TENT2: variants seen among roughly 807,000 people sequenced by gnomAD.
The protein encoded by TENT2 is terminal nucleotidyltransferase 2, also known as poly(A) RNA polymerase GLD2.
TENT2 carries 44 observed loss-of-function variants against 72.2 expected under a neutral mutation model. That is an observed-to-expected ratio of 0.61 (90% confidence interval 0.48 to 0.78). The LOEUF is 0.78. Among genes scored for constraint, TENT2 ranks in the 30% least tolerant of loss-of-function variants. TENT2 has a pLI of 0.00. For missense variants in TENT2, 541 were observed against 569.6 expected (o/e 0.95, Z 0.51); for synonymous variants, 212 against 192.5 (o/e 1.10, Z -0.84).
At position 79,674,179 on chromosome 5, in the gene TENT2, G is replaced by A. The variant is rs112157145; in HGVS notation, c.1208+5151G>A. Among the ~76,000 whole-genome samples, 130 of 152,188 alleles carry A rather than the reference G, an allele frequency of 8.5e-4. 1 individual carries two copies. The highest frequency in any genetic ancestry group is 2.9e-3 in the African/African-American group (122 of 41,528). Reference sequence around the variant, plus strand: ...CAGGCAGATCATGAGGTCAGGAGTTGGAGATCAACCTGACCAACATGGTGA... The same window carrying A: ...CAGGCAGATCATGAGGTCAGGAGTTAGAGATCAACCTGACCAACATGGTGA... On this transcript the variant is annotated intron_variant, in intron 12 of 14. Transcript: ENST00000453514.
chr5:79,651,140 GTTAATATTTGT>G (rs1458164183), intron 10 of TENT2, among the ~76,000 whole-genome samples: 1 of 151,790 alleles, frequency 6.6e-6, no homozygotes, highest in Non-Finnish European at 1.5e-5. Context: ...AATTGTTATT[GTTAATATTTGT>G]TTTATTTTTT....
At chr5:79,647,130 T>G (rs746558835) in intron 8 of TENT2, among the ~76,000 whole-genome samples, 3 of 152,180 alleles carry the variant, frequency 2.0e-5, no homozygotes, top group Non-Finnish European at 4.4e-5. Flanking sequence ...TAAATAGTGT[T>G]CTACAGCATC....
intron 4 of TENT2, among the ~76,000 whole-genome samples, chr5:79,633,846 A>G (rs932966660): frequency 1.3e-5 from 2 of 150,646 alleles, no homozygotes; most frequent in African/African-American, 4.9e-5. Context: ...AGCTTTATAT[A>G]TTGGTACATA....
Position 79,619,777 on chromosome 5 carries a change from G to C in TENT2, c.129G>C (p.Gln43His). Residue 43 changes from glutamine to histidine, a missense_variant, in exon 2 of 15, where the codon CAG becomes CAC. Gln to His is a conservative substitution (Grantham distance 24, BLOSUM62 0). Coordinates refer to ENST00000453514, the MANE Select transcript of TENT2 (RefSeq NM_001114394.3). ...QQLIDAQFNF[Q>H]NADLSRAVSL... Reference sequence around the variant, plus strand: ...TTATAGATGCACAATTCAACTTTCAGAATGCAGAGTGAGTATGGTGATATT... The same window carrying C: ...TTATAGATGCACAATTCAACTTTCACAATGCAGAGTGAGTATGGTGATATT... 6.2e-7 allele frequency: 1 copy of C among 1,612,884 alleles called. No homozygotes were observed. Among genetic ancestry groups the C allele is most frequent in the East Asian group, 2.2e-5 (1 of 44,830 alleles).
In TENT2 at chr5:79,668,925, G is replaced by C; in HGVS notation, c.1105G>C (p.Val369Leu). The change falls in exon 12 of 15, where the codon GTA becomes CTA. Residue 369 changes from valine (V) to leucine (L), a missense_variant. Val to Leu is a conservative substitution (Grantham distance 32). Transcript: ENST00000453514. ...TAGTCCTGCTATACAGCTGCACCTTGTACATCAAGCTCCATGTAATGTTCC... is the reference window on the plus strand; with the variant it reads ...TAGTCCTGCTATACAGCTGCACCTTCTACATCAAGCTCCATGTAATGTTCC... Reference protein sequence around the residue: ...SFSPAIQLHLVHQAPCNVPPY... With the variant: ...SFSPAIQLHLLHQAPCNVPPY... The C allele has an allele frequency of 6.2e-7, 1 of 1,613,662 alleles. No individual in the cohort carries two copies. Among genetic ancestry groups the C allele is most frequent in the African/African-American group, 1.3e-5 (1 of 75,012 alleles).
chr5:79,679,032 A>C (rs544671434), intron 12 of TENT2, among the ~76,000 whole-genome samples: 1 of 152,068 alleles, frequency 6.6e-6, no homozygotes, highest in African/African-American at 2.4e-5. Context: ...CAGCCTCCTG[A>C]GTAGCTGGGA....
At chr5:79,678,237 A>G (rs1818819269) in intron 12 of TENT2, among the ~76,000 whole-genome samples, 1 of 152,210 alleles carries the variant, frequency 6.6e-6, no homozygotes, top group African/African-American at 2.4e-5. Context: ...CACAAGATGC[A>G]AGATTTTTCA....
intron 10 of TENT2, among the ~76,000 whole-genome samples, chr5:79,652,474 C>G (rs1009461720): frequency 6.6e-6 from 1 of 152,016 alleles, no homozygotes; most frequent in African/African-American, 2.4e-5. Flanking sequence ...GCAAAGTTCT[C>G]TGTACTTCAC....
chr5:79,666,290 TAAAG>T (rs1807836547), intron 11 of TENT2, among the ~76,000 whole-genome samples: 1 of 151,882 alleles, frequency 6.6e-6, no homozygotes, highest in Non-Finnish European at 1.5e-5. Context: ...TGTCAGGCCT[TAAAG>T]AAATTATTTG....
intron 1 of TENT2, 102 bp downstream of exon 1, chr5:79,613,177 C>G (rs1186169885): frequency 1.3e-5 from 2 of 152,148 alleles, no homozygotes; most frequent in South Asian, 2.1e-4. Flanking sequence ...TAGGAAAATG[C>G]ACAGGTTAAG....
At chr5:79,669,835 T>G (rs1388160703) in intron 12 of TENT2, among the ~76,000 whole-genome samples, 1 of 152,100 alleles carries the variant, frequency 6.6e-6, no homozygotes, top group East Asian at 1.9e-4. Context: ...TCATTCCGTT[T>G]ACATAATTGT....
chr5:79,669,279 T>C (rs1811026396), intron 12 of TENT2, among the ~76,000 whole-genome samples: 1 of 152,152 alleles, frequency 6.6e-6, no homozygotes, highest in Non-Finnish European at 1.5e-5. Flanking sequence ...GTAGGCCCAG[T>C]TTTAGTTGAT....
intron 14 of TENT2, among the ~76,000 whole-genome samples, chr5:79,683,273 T>C (rs1240071595): frequency 2.0e-5 from 3 of 151,482 alleles, no homozygotes; most frequent in Non-Finnish European, 1.5e-5. Flanking sequence ...GGGCAACGCA[T>C]AGCAAGACAT....
chr5:79,615,815 C>T (rs554903097), intron 1 of TENT2, among the ~76,000 whole-genome samples: 4 of 151,754 alleles, frequency 2.6e-5, no homozygotes, highest in East Asian at 3.9e-4. Flanking sequence ...CTGGCTCAAG[C>T]GATCCTCCCA....
At position 79,681,935 on chromosome 5, in the gene TENT2, C is replaced by T; in HGVS notation, c.1301-47C>T. The stretch of plus-strand genomic sequence containing the variant: ...ATCAAACCTAAAAAAGAAACTGTAG[C>T]TCTCATTTTAATAATTTTTCCTTTA... On this transcript the variant is annotated intron_variant, in intron 13 of 14. Transcript: ENST00000453514. 5 of 1,483,790 alleles carry T rather than the reference C, an allele frequency of 3.4e-6. No individual in the cohort carries two copies. In the South Asian group the frequency reaches 6.1e-5, roughly 18 times the overall value. 91.9% of individuals were successfully genotyped at this position (1,483,790 alleles called of 1,614,324 possible).
intron 11 of TENT2, among the ~76,000 whole-genome samples, chr5:79,658,327 G>A (rs181845218): frequency 6.6e-6 from 1 of 151,418 alleles, no homozygotes; most frequent in East Asian, 1.9e-4. Context: ...TGAACTTTTT[G>A]GCCTTATTCT....
intron 4 of TENT2, among the ~76,000 whole-genome samples, chr5:79,635,984 C>T (rs1051608692): frequency 2.0e-5 from 3 of 152,172 alleles, no homozygotes; most frequent in Admixed American, 1.3e-4. Context: ...TATTTAGGCA[C>T]GTGGGCTATG....
intron 4 of TENT2, among the ~76,000 whole-genome samples, chr5:79,633,156 C>G (rs1465315405): frequency 2.0e-5 from 3 of 152,170 alleles, no homozygotes; most frequent in Non-Finnish European, 4.4e-5. Context: ...TGAATTTAAA[C>G]TTTTATTACA....
At chr5:79,627,349 C>CA (rs1315251269) in intron 4 of TENT2, among the ~76,000 whole-genome samples, 2 of 152,066 alleles carry the variant, frequency 1.3e-5, no homozygotes, top group African/African-American at 2.4e-5. Flanking sequence ...ATATTAGTGT[C>CA]AGCATAAACC....
Sources: gnomAD v4.1 joint callset for allele counts (sites outside exome capture counted in the v4.1 genomes callset) on GRCh38, gnomAD v4.1.1 for gene constraint, MANE v1.5 for transcripts, NCBI Gene and HGNC (gene_info 2026-07-23, HGNC 2026-07-21) for gene names.